STXBP5L: variants seen among roughly 807,000 people sequenced by gnomAD.
STXBP5L encodes the protein syntaxin binding protein 5L, also known as syntaxin-binding protein 5-like.
A neutral mutation model predicts 144.5 loss-of-function variants in STXBP5L; 65 were observed. That is an observed-to-expected ratio of 0.45 (90% CI 0.37 to 0.55). The LOEUF is 0.55. STXBP5L is among the 20% of genes least tolerant of loss of function. The pLI, the probability that STXBP5L is intolerant of heterozygous loss-of-function variation, is 0.00. For missense variants in STXBP5L, 1,298 were observed against 1,405.5 expected (o/e 0.92, Z 1.22); for synonymous variants, 505 against 469.6 (o/e 1.08, Z -0.97).
At chr3:121,007,030 G>A (rs917853877) in intron 3 of STXBP5L, among the ~76,000 whole-genome samples, 9 of 151,978 alleles carry the variant, frequency 5.9e-5, no homozygotes. Flanking sequence ...TATGTGTCTT[G>A]GAGTTGCTCT....
At chr3:121,378,992 A>T in intron 21 of STXBP5L, 106 bp downstream of exon 21, 1 of 1,208,574 alleles carries the variant, frequency 8.3e-7, no homozygotes, top group Non-Finnish European at 1.1e-6. Context: ...ATGTTAAAAA[A>T]CTACTAATCA....
At chr3:121,331,203 C>G (rs1039842268) in intron 20 of STXBP5L, among the ~76,000 whole-genome samples, 1 of 152,196 alleles carries the variant, frequency 6.6e-6, no homozygotes, top group African/African-American at 2.4e-5. Flanking sequence ...TTTCTTTCAG[C>G]AGAGGCACTG....
chr3:121,103,630 A>C (rs2043545465), intron 5 of STXBP5L, among the ~76,000 whole-genome samples: 1 of 152,192 alleles, frequency 6.6e-6, no homozygotes, highest in Non-Finnish European at 1.5e-5. Flanking sequence ...GTACCTCCTG[A>C]ATCTATAATA....
At chr3:121,185,522 C>G (rs1236971138) in intron 9 of STXBP5L, among the ~76,000 whole-genome samples, 5 of 152,264 alleles carry the variant, frequency 3.3e-5, no homozygotes, top group Middle Eastern at 3.4e-3. Context: ...ATATGGCTGG[C>G]CAGTTTTGCC....
chr3:120,969,774 T>G (rs1164921196), intron 3 of STXBP5L, among the ~76,000 whole-genome samples: 2 of 152,024 alleles, frequency 1.3e-5, no homozygotes, highest in African/African-American at 4.8e-5. Context: ...TTGCACTCTT[T>G]TAATTGAAGA....
intron 19 of STXBP5L, among the ~76,000 whole-genome samples, chr3:121,316,449 A>G (rs2043792431): frequency 6.6e-6 from 1 of 152,184 alleles, no homozygotes; most frequent in Non-Finnish European, 1.5e-5. Flanking sequence ...CATATACATC[A>G]TGCTTTCTTA....
intron 5 of STXBP5L, among the ~76,000 whole-genome samples, chr3:121,071,039 A>G (rs190544016): frequency 6.6e-6 from 1 of 152,284 alleles, no homozygotes; most frequent in East Asian, 1.9e-4. Flanking sequence ...CAGTTGTAGT[A>G]GGTCTGGTAT....
rs1167723950 is a variant in STXBP5L at position 121,407,439 on chromosome 3, C to T, written c.2784C>T (p.Ile928=). 6.2e-7 allele frequency: 1 copy of T among 1,613,330 alleles called. No homozygotes were observed. The change falls in exon 23 of 27, where the codon ATC becomes ATT. Residue 928 remains isoleucine, a synonymous_variant. Transcript: ENST00000471454. ...QEIGDHQYTI[I]CSEKQAKVFS... is the part of the protein sequence containing the mutation. ...TAGGAGATCATCAGTATACAATAAT[C>T]TGCTCAGAAAAACAAGCCAAAGTCT...
At chr3:121,101,856 C>T (rs368953253) in intron 5 of STXBP5L, among the ~76,000 whole-genome samples, 2 of 152,034 alleles carry the variant, frequency 1.3e-5, no homozygotes, top group East Asian at 3.8e-4. Flanking sequence ...CTGAAAAGCT[C>T]GTGGAACTGA....
chr3:121,139,844 A>T (rs1411321510), intron 7 of STXBP5L, among the ~76,000 whole-genome samples: 1 of 152,052 alleles, frequency 6.6e-6, no homozygotes, highest in Non-Finnish European at 1.5e-5. Context: ...ACCATCACTT[A>T]TGCTGAAAGT....
At chr3:121,162,842 T>G (rs1282798203) in intron 9 of STXBP5L, among the ~76,000 whole-genome samples, 2 of 152,080 alleles carry the variant, frequency 1.3e-5, no homozygotes, top group Non-Finnish European at 2.9e-5. Flanking sequence ...CACTGGTCAT[T>G]AGAGAAATGC....
At chr3:121,062,673 T>A (rs1384255957) in intron 5 of STXBP5L, among the ~76,000 whole-genome samples, 2 of 152,248 alleles carry the variant, frequency 1.3e-5, no homozygotes, top group Admixed American at 1.3e-4. Flanking sequence ...TCTTTTCACA[T>A]AGTCCCATAT....
intron 3 of STXBP5L, among the ~76,000 whole-genome samples, chr3:120,988,778 G>T (rs1307110846): frequency 6.6e-6 from 1 of 151,970 alleles, no homozygotes; most frequent in Non-Finnish European, 1.5e-5. Flanking sequence ...AGTGTCCATT[G>T]TACCCACAAG....
At chr3:121,368,770 G>T (rs763074269) in intron 20 of STXBP5L, among the ~76,000 whole-genome samples, 20 of 152,098 alleles carry the variant, frequency 1.3e-4, no homozygotes, top group Non-Finnish European at 2.4e-4. Flanking sequence ...GATATGTGTG[G>T]TCATTTTCTA....
intron 19 of STXBP5L, among the ~76,000 whole-genome samples, chr3:121,308,137 ATAAC>A (rs1353629077): frequency 6.6e-6 from 1 of 152,236 alleles, no homozygotes; most frequent in African/African-American, 2.4e-5. Context: ...ATCAGGATAA[ATAAC>A]TAATGCATGT....
At chr3:121,050,170 G>C (rs1947852909) in intron 5 of STXBP5L, among the ~76,000 whole-genome samples, 1 of 152,006 alleles carries the variant, frequency 6.6e-6, no homozygotes, top group Non-Finnish European at 1.5e-5. Context: ...ATTCACCACT[G>C]TTTCTTCTCT....
At chr3:120,990,119 A>G (rs1001617528) in intron 3 of STXBP5L, among the ~76,000 whole-genome samples, 7 of 152,222 alleles carry the variant, frequency 4.6e-5, no homozygotes, top group Non-Finnish European at 8.8e-5. Flanking sequence ...GTCTCAGGAT[A>G]CAAAATCAAT....
intron 5 of STXBP5L, among the ~76,000 whole-genome samples, chr3:121,077,598 C>T (rs548489234): frequency 6.6e-6 from 1 of 152,292 alleles, no homozygotes; most frequent in Non-Finnish European, 1.5e-5. Context: ...GTTGCCACTG[C>T]TGGCTTGGGC....
At chr3:121,375,847 G>T (rs567804420) in intron 20 of STXBP5L, among the ~76,000 whole-genome samples, 28 of 152,160 alleles carry the variant, frequency 1.8e-4, no homozygotes, top group Non-Finnish European at 2.1e-4. Context: ...TTTCTCTGTG[G>T]CACTCTATCT....
Sources: gnomAD v4.1 joint callset for allele counts (sites outside exome capture counted in the v4.1 genomes callset) on GRCh38, gnomAD v4.1.1 for gene constraint, MANE v1.5 for transcripts, NCBI Gene and HGNC (gene_info 2026-07-23, HGNC 2026-07-21) for gene names.